Variants in RNGTT observed in about 807,000 individuals in gnomAD.
RNGTT encodes the protein RNA guanylyltransferase and 5'-phosphatase.
A neutral mutation model predicts 79.3 loss-of-function variants in RNGTT; 33 were observed. The ratio of observed to expected loss-of-function variants is 0.42; its 90% CI spans 0.32 to 0.56. RNGTT has a LOEUF of 0.56. RNGTT is among the 20% of genes least tolerant of loss of function. The pLI is 0.17. For synonymous variants in RNGTT, 222 were observed against 235.9 expected (o/e 0.94, Z 0.54); for missense variants, 497 against 739.1 (o/e 0.67, Z 3.80).
intron 12 of RNGTT, among the ~76,000 whole-genome samples, chr6:88,786,655 G>A (rs1779238188): frequency 6.6e-6 from 1 of 152,106 alleles, no homozygotes; most frequent in Non-Finnish European, 1.5e-5. Flanking sequence ...TAGAAAATAG[G>A]TTTATACTGA....
intron 13 of RNGTT, among the ~76,000 whole-genome samples, chr6:88,708,559 T>C (rs1431477174): frequency 6.6e-6 from 1 of 152,138 alleles, no homozygotes; most frequent in East Asian, 1.9e-4. Context: ...CTTTGGTCTT[T>C]AGGGCTGGTG....
chr6:88,761,213 G>A (rs1582428036), intron 13 of RNGTT, among the ~76,000 whole-genome samples: 2 of 152,052 alleles, frequency 1.3e-5, no homozygotes, highest in African/African-American at 4.8e-5. Flanking sequence ...CTTCTGGCCA[G>A]GCATGTTGGC....
chr6:88,652,656 T>C lies in RNGTT; in HGVS notation c.1506+25697A>G, dbSNP rs572512083. 1.9e-3 allele frequency among the ~76,000 whole-genome samples: 290 copies of C among 152,244 alleles called. 4 individuals are homozygous for C. Among genetic ancestry groups the C allele is most frequent in the African/African-American group, 6.8e-3 (284 of 41,550 alleles). ...TAGACTTGGAGTTTGTTAGTGCTCT[T>C]TGGGGTGGAGGCGGAGAGAGAATTA... On this transcript the variant is annotated intron_variant, in intron 14 of 15. Coordinates refer to ENST00000369485, the MANE Select transcript of RNGTT (RefSeq NM_003800.5).
intron 12 of RNGTT, among the ~76,000 whole-genome samples, chr6:88,790,914 C>A (rs1290697605): frequency 1.3e-5 from 2 of 152,090 alleles, no homozygotes; most frequent in Non-Finnish European, 2.9e-5. Context: ...TTTACAAAGA[C>A]AGAATCAGAA....
At chr6:88,629,148 A>C (rs974683608) in intron 14 of RNGTT, among the ~76,000 whole-genome samples, 4 of 152,176 alleles carry the variant, frequency 2.6e-5, no homozygotes, top group South Asian at 2.1e-4. Context: ...AGGTGTGGAC[A>C]AGAAGACGAA....
At chr6:88,624,971 T>C (rs1772572835) in intron 14 of RNGTT, among the ~76,000 whole-genome samples, 1 of 151,886 alleles carries the variant, frequency 6.6e-6, no homozygotes, top group Non-Finnish European at 1.5e-5. Context: ...ATAAAAATAC[T>C]GTATGTTCAA....
intron 11 of RNGTT, among the ~76,000 whole-genome samples, chr6:88,802,748 C>T (rs1779831956): frequency 6.6e-6 from 1 of 152,028 alleles, no homozygotes; most frequent in African/African-American, 2.4e-5. Context: ...AGGGGGAAGC[C>T]CCTTATAAAA....
intron 13 of RNGTT, among the ~76,000 whole-genome samples, chr6:88,760,286 TAA>T (rs1778168781): frequency 1.3e-5 from 2 of 151,978 alleles, no homozygotes; most frequent in Non-Finnish European, 2.9e-5. Flanking sequence ...AAGGATGAAA[TAA>T]CAGAGGAAAC....
intron 2 of RNGTT, among the ~76,000 whole-genome samples, chr6:88,932,441 C>T (rs921829644): frequency 3.9e-5 from 6 of 152,132 alleles, no homozygotes; most frequent in Admixed American, 3.9e-4. Flanking sequence ...CATGTGATCC[C>T]TGTGACCCAC....
intron 13 of RNGTT, among the ~76,000 whole-genome samples, chr6:88,686,582 C>T (rs547810118): frequency 2.6e-5 from 4 of 151,860 alleles, no homozygotes; most frequent in African/African-American, 7.3e-5. Flanking sequence ...CAAACAAGTA[C>T]GTCAGTAGAA....
intron 11 of RNGTT, among the ~76,000 whole-genome samples, chr6:88,815,671 T>C (rs1408782598): frequency 6.6e-6 from 1 of 152,212 alleles, no homozygotes; most frequent in Non-Finnish European, 1.5e-5. Context: ...CTGTGAGGCA[T>C]TATTGCCAAG....
chr6:88,927,386 G>A (rs1387577964), intron 4 of RNGTT, among the ~76,000 whole-genome samples: 4 of 152,108 alleles, frequency 2.6e-5, no homozygotes, highest in Admixed American at 6.6e-5. Flanking sequence ...AATTAAGCCC[G>A]GCACGGTGGC....
At chr6:88,834,038 A>G (rs9344880) in intron 11 of RNGTT, among the ~76,000 whole-genome samples, 5,732 of 152,334 alleles carry the variant, frequency 0.038, 168 homozygotes, top group African/African-American at 0.076. Flanking sequence ...AGAATAAAAA[A>G]TAAAATAAAA....
chr6:88,684,946 A>G (rs1775222457), intron 13 of RNGTT, among the ~76,000 whole-genome samples: 1 of 152,192 alleles, frequency 6.6e-6, no homozygotes, highest in African/African-American at 2.4e-5. Context: ...CTGCTCTAAA[A>G]GATCAAGTCT....
chr6:88,957,882 C>T (rs1785486454), intron 1 of RNGTT, among the ~76,000 whole-genome samples: 1 of 151,972 alleles, frequency 6.6e-6, no homozygotes, highest in Non-Finnish European at 1.5e-5. Flanking sequence ...AAAAGCAATC[C>T]TAAAATTCAT....
At chr6:88,769,580 C>T (rs1778579222) in intron 13 of RNGTT, among the ~76,000 whole-genome samples, 194 bp downstream of exon 13, 1 of 151,960 alleles carries the variant, frequency 6.6e-6, no homozygotes, top group Non-Finnish European at 1.5e-5. Flanking sequence ...TATATGTTAG[C>T]TGACACAGGT....
intron 8 of RNGTT, among the ~76,000 whole-genome samples, chr6:88,872,357 GC>G (rs1039729429): frequency 6.6e-6 from 1 of 151,982 alleles, no homozygotes; most frequent in African/African-American, 2.4e-5. Context: ...AATGACAACA[GC>G]CCTGGCCAAC....
At position 88,893,042 on chromosome 6, in the gene RNGTT, C is replaced by CTA. The variant is rs1261215353; in HGVS notation, c.685-1129_685-1128dup. 3.3e-5 allele frequency among the ~76,000 whole-genome samples: 5 copies of CTA among 152,108 alleles called. No homozygotes were observed. In the South Asian group the frequency reaches 1.0e-3, roughly 32 times the overall value. ...AGGATCAAAGAGTACCATCCCTCTA[C>CTA]TATTATACCATTATTTCTCTGTACT... On this transcript the variant is annotated intron_variant, in intron 6 of 15. Transcript: ENST00000369485.
At chr6:88,739,838 T>C (rs1048587773) in intron 13 of RNGTT, among the ~76,000 whole-genome samples, 6 of 145,720 alleles carry the variant, frequency 4.1e-5, no homozygotes, top group Non-Finnish European at 7.5e-5. Flanking sequence ...ACCAAGCAAA[T>C]AGAAAATTTG....
Sources: gnomAD v4.1 joint callset for allele counts (sites outside exome capture counted in the v4.1 genomes callset) on GRCh38, gnomAD v4.1.1 for gene constraint, MANE v1.5 for transcripts, NCBI Gene and HGNC (gene_info 2026-07-23, HGNC 2026-07-21) for gene names.